The following LRRC56 variants were observed in gnomAD, a reference collection of about 807,000 sequenced individuals.
The protein encoded by LRRC56 is leucine-rich repeat-containing protein 56.
LRRC56 carries 41 observed loss-of-function variants against 47.8 expected under a neutral mutation model. The ratio of observed to expected loss-of-function variants is 0.86; its 90% CI spans 0.67 to 1.11. The LOEUF is 1.11. Ranked by LOEUF, LRRC56 falls within the 50% of genes most tolerant of loss-of-function variation. LRRC56 has a pLI of 0.00. For missense variants in LRRC56, 759 were observed against 704.2 expected, an observed-to-expected ratio of 1.08 and a Z score of -0.88; for synonymous variants, 387 against 311.2, an observed-to-expected ratio of 1.24 and a Z score of -2.56.
intron 6 of LRRC56, among the ~76,000 whole-genome samples, chr11:549,487 G>A (rs1852262790): frequency 6.6e-6 from 1 of 152,244 alleles, no homozygotes; most frequent in Non-Finnish European, 1.5e-5. Flanking sequence ...TCAGCCTCCA[G>A]CGAAGCCCCC....
chr11:540,475 C>T (rs1851735463), intron 3 of LRRC56, among the ~76,000 whole-genome samples, 199 bp from the exon 4 acceptor site: 1 of 151,978 alleles, frequency 6.6e-6, no homozygotes, highest in Non-Finnish European at 1.5e-5. Flanking sequence ...GCGTGAGGCC[C>T]TCCAGGCTGG....
intron 13 of LRRC56, 131 bp from the exon 14 acceptor site, chr11:553,832 C>A: frequency 1.3e-6 from 1 of 747,818 alleles, no homozygotes; most frequent in East Asian, 2.6e-5. Context: ...TGCAGGGGTG[C>A]TGCTGCCTGT....
intron 12 of LRRC56, 75 bp from the exon 13 acceptor site, chr11:552,494 C>A: frequency 1.4e-6 from 2 of 1,384,418 alleles, no homozygotes; most frequent in Non-Finnish European, 2.0e-6. Flanking sequence ...AGTCCCAAGG[C>A]TCATGGACCA....
At chr11:538,441 G>A (rs1034073343) in intron 1 of LRRC56, among the ~76,000 whole-genome samples, 157 bp from the exon 2 acceptor site, 2 of 152,112 alleles carry the variant, frequency 1.3e-5, no homozygotes, top group African/African-American at 4.8e-5. Flanking sequence ...GGCAGGCAGT[G>A]GGGGAGATTT....
chr11:529,392 G>A, the LRRC56 span: 3 of 152,420 alleles, frequency 2.0e-5, no homozygotes, highest in African/African-American at 7.2e-5. Context: ...CAGAAGATGG[G>A]TTCCTGCAGG....
Position 550,211 on chromosome 11 carries a change from C to T in LRRC56, c.563C>T (p.Ala188Val), listed in dbSNP as rs150250470. The change falls in exon 8 of 14, where the codon GCC becomes GTC. Residue 188 changes from alanine (A) to valine (V), a missense_variant. Coordinates refer to ENST00000270115, the MANE Select transcript of LRRC56 (RefSeq NM_198075.4). ...TACTTGCAGCTGTGCCCACGCCTGG[C>T]CATGCTCACCCTGGAGGGCAACCTG... Reference protein sequence around the residue: ...VRYLQLCPRLAMLTLEGNLVC... With the variant: ...VRYLQLCPRLVMLTLEGNLVC... 1 of 1,612,306 alleles carries T rather than the reference C, an allele frequency of 6.2e-7. No homozygotes were observed. Among genetic ancestry groups the T allele is most frequent in the Non-Finnish European group, 8.5e-7 (1 of 1,179,590 alleles).
At position 540,850 on chromosome 11, in the gene LRRC56, C is replaced by A. The variant is rs372922076; in HGVS notation, c.166C>A (p.Pro56Thr). 5.1e-6 allele frequency: 8 copies of A among 1,562,796 alleles called. No individual in the cohort carries two copies. The highest frequency in any genetic ancestry group is 6.9e-6 in the Non-Finnish European group (8 of 1,153,682). ...GEQLVEEYLSPARLQALARVD... is the reference protein window; with the variant it reads ...GEQLVEEYLSTARLQALARVD... The stretch of plus-strand genomic sequence containing the variant: ...GCAGCTGGTGGAAGAGTACCTGTCC[C>A]CTGCCCGGCTGGTGAGTGTGGGCGC... Residue 56 changes from proline (P) to threonine (T), a missense_variant, in exon 4 of 14, where the codon CCT becomes ACT. Physicochemically the swap from Pro to Thr is conservative, Grantham distance 38. Transcript: ENST00000270115.
chr11:528,714 C>T, the LRRC56 span: 2 of 152,186 alleles, frequency 1.3e-5, no homozygotes, highest in South Asian at 4.1e-4. Context: ...AGTGGGGCAG[C>T]CAGGCCTAGC....
upstream of LRRC56, among the ~76,000 whole-genome samples, chr11:534,742 A>G (rs958986252): frequency 1.3e-4 from 20 of 152,190 alleles, no homozygotes; most frequent in African/African-American, 4.1e-4. Flanking sequence ...GCCACGGCGG[A>G]GCGCGCCACG....
chr11:542,160 C>T (rs572443190), intron 5 of LRRC56, among the ~76,000 whole-genome samples: 724 of 137,900 alleles, frequency 5.3e-3, no homozygotes, highest in African/African-American at 0.019. Flanking sequence ...CTCAGTGCCC[C>T]ACACACCCAC....
chr11:518,474 G>A, the LRRC56 span, among the ~76,000 whole-genome samples: 3 of 152,032 alleles, frequency 2.0e-5, no homozygotes, highest in African/African-American at 7.2e-5. Flanking sequence ...GAGCCACCGC[G>A]CCAGGTCAGC....
At chr11:550,836 C>T (rs1205412547) in intron 8 of LRRC56, among the ~76,000 whole-genome samples, 1 of 152,174 alleles carries the variant, frequency 6.6e-6, no homozygotes, top group Non-Finnish European at 1.5e-5. Flanking sequence ...AGCTACTGCT[C>T]CGTGGGCCAG....
At chr11:520,529 G>A in the LRRC56 span, among the ~76,000 whole-genome samples, 3 of 152,084 alleles carry the variant, frequency 2.0e-5, no homozygotes, top group African/African-American at 7.2e-5. Context: ...ATGTTGGCCA[G>A]GCTGGTCTCA....
At position 551,258 on chromosome 11, in the gene LRRC56, C is replaced by A. The variant is rs781231221; in HGVS notation, c.752C>A (p.Ala251Glu). ...APPRLSQDWL[A>E]VKEAIKKGNG... ...CCGCGGCTGAGCCAGGACTGGCTTG[C>A]GGTGAAGGAGGCCATCAAGAAGGGC... is the stretch of plus-strand genomic sequence containing the variant. Residue 251 changes from alanine to glutamate, a missense_variant, in exon 9 of 14, where the codon GCG (alanine) becomes GAG (glutamate). By Grantham distance (107) the Ala-to-Glu change is moderately radical. Transcript: ENST00000270115. 5 of 1,540,606 alleles carry A rather than the reference C, an allele frequency of 3.2e-6. No homozygotes were observed. The Admixed American group carries it at 5.9e-5, about 18-fold the overall frequency.
At chr11:517,150 C>G in the LRRC56 span, among the ~76,000 whole-genome samples, 1 of 152,272 alleles carries the variant, frequency 6.6e-6, no homozygotes, top group African/African-American at 2.4e-5. Context: ...TCACTCAATG[C>G]TCAGTGTTGC....
chr11:552,774 AC>A lies in LRRC56; in HGVS notation c.1315+76del. 2 of 1,341,782 alleles carry A rather than the reference AC, an allele frequency of 1.5e-6. 1 individual carries two copies. Among genetic ancestry groups the A allele is most frequent in the Non-Finnish European group, 2.0e-6 (2 of 976,594 alleles). The allele number at this position is 1,341,782 out of a possible 1,614,324, so 83.1% of individuals were successfully genotyped here. On this transcript the variant is annotated intron_variant, in intron 13 of 13. Transcript: ENST00000270115. The stretch of plus-strand genomic sequence containing the variant: ...ACCCCACTTCTATAGGGGGGCCCTT[AC>A]CCCAGATCAGATGTGTCAACCTGGC...
chr11:536,953 G>A (rs990525182), upstream of LRRC56: 1 of 152,198 alleles, frequency 6.6e-6, no homozygotes, highest in Non-Finnish European at 1.5e-5. Context: ...GCATGAACGC[G>A]AGTGAGAAGC....
chr11:545,141 G>A (rs1378901957), intron 6 of LRRC56, among the ~76,000 whole-genome samples: 2 of 152,208 alleles, frequency 1.3e-5, no homozygotes, highest in African/African-American at 2.4e-5. Flanking sequence ...TACACATGGA[G>A]CTCTTGTGTC....
At chr11:534,297 A>G, upstream of LRRC56, 4 of 1,612,518 alleles carry the variant, frequency 2.5e-6, no homozygotes. Context: ...GCCGGCGCCC[A>G]CCACCACCAG....
Sources: allele counts gnomAD v4.1 joint callset (sites outside exome capture counted in the v4.1 genomes callset), GRCh38; gene constraint gnomAD v4.1.1; transcripts MANE v1.5; gene names NCBI Gene and HGNC (gene_info 2026-07-23, HGNC 2026-07-21).